Variants in PDSS2 observed in about 807,000 individuals in gnomAD.
The protein encoded by PDSS2 is all trans-polyprenyl-diphosphate synthase PDSS2.
PDSS2 carries 31 observed loss-of-function variants against 44.5 expected under a neutral mutation model. That is an observed-to-expected ratio of 0.70 (90% CI 0.52 to 0.94). The LOEUF (loss-of-function observed/expected upper bound fraction) is 0.94, where lower values mean the gene tolerates loss of function less well. Ranked by LOEUF, PDSS2 falls within the 40% of genes least tolerant of loss-of-function variation. The pLI, the probability that PDSS2 is intolerant of heterozygous loss-of-function variation, is 0.00. For missense variants in PDSS2, 452 were observed against 482.2 expected, an observed-to-expected ratio of 0.94 and a Z score of 0.59; for synonymous variants, 157 against 180.3, an observed-to-expected ratio of 0.87 and a Z score of 1.03.
Position 107,459,496 on chromosome 6 carries a change from A to C in PDSS2, c.-211T>G. 1 of 589,606 alleles carries C rather than the reference A, an allele frequency of 1.7e-6. No individual in the cohort carries two copies. The highest frequency in any genetic ancestry group is 3.0e-6 in the Non-Finnish European group (1 of 331,802). 36.5% of individuals were successfully genotyped at this position (589,606 alleles called of 1,614,324 possible). A position where few individuals can be genotyped will look rare whatever the true frequency, so the allele number is the denominator to read the frequency against. ...GGGCAAACAACAGTCCCAGCTCAGC[A>C]CTGCCCCCGGCCACCCGGGGTAGAA... On this transcript the variant is annotated 5_prime_UTR_variant, in exon 1 of 8. Coordinates refer to ENST00000369037, the MANE Select transcript of PDSS2 (RefSeq NM_020381.4). This position sits in a 1 kb window ranked among gnomAD's most constrained non-coding sequence, Gnocchi z 4.3.
chr6:107,160,485 C>G (rs901417818), intron 7 of PDSS2, among the ~76,000 whole-genome samples: 3 of 151,748 alleles, frequency 2.0e-5, no homozygotes, highest in Non-Finnish European at 2.9e-5. Flanking sequence ...GTACCTGGGA[C>G]TACAGGGACC....
rs561773016 is a variant in PDSS2 at position 107,331,834 on chromosome 6, G to A, written c.431+2364C>T. ...TTGCAAGGATTATTTTAGGATTAGA[G>A]ATAAAAAAAATAGTAGGTGCTCATT... On this transcript the variant is annotated intron_variant, in intron 2 of 7. Transcript: ENST00000369037. 3.9e-5 allele frequency among the ~76,000 whole-genome samples: 6 copies of A among 152,080 alleles called. No individual in the cohort carries two copies. In the South Asian group the frequency reaches 1.0e-3, roughly 26 times the overall value.
intron 4 of PDSS2, among the ~76,000 whole-genome samples, chr6:107,241,537 A>G (rs939556025): frequency 8.6e-5 from 13 of 151,754 alleles, no homozygotes; most frequent in Admixed American, 5.2e-4. Flanking sequence ...TAGTAGAGAC[A>G]GGGTTTCACC....
intron 1 of PDSS2, among the ~76,000 whole-genome samples, chr6:107,427,136 A>G (rs1781031050): frequency 6.6e-6 from 1 of 152,124 alleles, no homozygotes; most frequent in East Asian, 1.9e-4. Flanking sequence ...GAACCCAATG[A>G]GAGGTGATTG....
rs1554279679 is a variant in PDSS2, at chr6:107,424,036, C to CATTTTTTTTTTTTT, written c.296+34953_296+34954insAAAAAAAAAAAAAT. 5.5e-5 allele frequency among the ~76,000 whole-genome samples: 5 copies of CATTTTTTTTTTTTT among 90,586 alleles called. 2 individuals carry two copies. Among genetic ancestry groups the CATTTTTTTTTTTTT allele is most frequent in the South Asian group, 3.2e-4 (1 of 3,108 alleles). The allele number at this position is 90,586 out of a possible 152,430, so 59.4% of individuals were successfully genotyped here. A position where few individuals can be genotyped will look rare whatever the true frequency, so the allele number is the denominator to read the frequency against. ...AATTATGATTATTTTTATCTTGCAT[C>CATTTTTTTTTTTTT]TTTTTTTTTTTTTTTTTTTTTTTGG... On this transcript the variant is annotated intron_variant, in intron 1 of 7. Coordinates refer to ENST00000369037, the MANE Select transcript of PDSS2 (RefSeq NM_020381.4).
intron 2 of PDSS2, among the ~76,000 whole-genome samples, chr6:107,287,434 T>A (rs1225557587): frequency 6.6e-6 from 1 of 152,060 alleles, no homozygotes; most frequent in Non-Finnish European, 1.5e-5. Flanking sequence ...CTAAAAAAAT[T>A]AAAAATATGC....
intron 1 of PDSS2, among the ~76,000 whole-genome samples, chr6:107,347,146 A>G (rs1562478306): frequency 6.6e-6 from 1 of 151,998 alleles, no homozygotes; most frequent in Non-Finnish European, 1.5e-5. Context: ...GGAAATGAGG[A>G]CCTGCATGGG....
intron 7 of PDSS2, among the ~76,000 whole-genome samples, chr6:107,165,824 G>A (rs1461953667): frequency 1.3e-4 from 20 of 152,142 alleles, no homozygotes; most frequent in Non-Finnish European, 1.9e-4. Context: ...ATTTGTTTGT[G>A]TCTTCTTTTA....
At chr6:107,313,289 A>G (rs983532551) in intron 2 of PDSS2, among the ~76,000 whole-genome samples, 6 of 152,240 alleles carry the variant, frequency 3.9e-5, no homozygotes, top group Non-Finnish European at 5.9e-5. Context: ...AATATTTTTT[A>G]GAACTCCAAT....
rs1347570470 is a variant in PDSS2, at chr6:107,182,973, G to A, written c.1041+10849C>T. Reference sequence around the variant, plus strand: ...CACCTGTAATCCCAGCACCTTGGGAGGCCAAGGTAGGAGGATCACTTGACC... The same window carrying A: ...CACCTGTAATCCCAGCACCTTGGGAAGCCAAGGTAGGAGGATCACTTGACC... On this transcript the variant is annotated intron_variant, in intron 7 of 7. Transcript: ENST00000369037. Among the ~76,000 whole-genome samples the A allele has an allele frequency of 3.3e-5, 5 of 152,132 alleles. No homozygotes were observed. In the East Asian group the frequency reaches 7.7e-4, roughly 23 times the overall value.
intron 2 of PDSS2, among the ~76,000 whole-genome samples, chr6:107,328,737 C>CA (rs1395454943): frequency 1.3e-5 from 2 of 152,226 alleles, no homozygotes; most frequent in Non-Finnish European, 2.9e-5. Context: ...AACAATATCT[C>CA]AGAGTCATGA....
chr6:107,232,449 T>C (rs541001839), intron 4 of PDSS2, among the ~76,000 whole-genome samples: 3 of 152,216 alleles, frequency 2.0e-5, no homozygotes, highest in Non-Finnish European at 4.4e-5. Flanking sequence ...TGGAATGTTT[T>C]TTCCCCCCAA....
At chr6:107,369,963 C>G (rs1401392174) in intron 1 of PDSS2, among the ~76,000 whole-genome samples, 2 of 151,890 alleles carry the variant, frequency 1.3e-5, no homozygotes, top group Non-Finnish European at 2.9e-5. Flanking sequence ...TTGTATCTCA[C>G]TCCAGCTTGG....
intron 1 of PDSS2, among the ~76,000 whole-genome samples, chr6:107,422,117 C>T (rs1583064233): frequency 7.1e-6 from 1 of 140,446 alleles, no homozygotes; most frequent in South Asian, 2.3e-4. Flanking sequence ...AAACATTTGA[C>T]AAAAAGACCC....
chr6:107,339,836 C>T (rs1342950059), intron 1 of PDSS2, among the ~76,000 whole-genome samples: 1 of 152,066 alleles, frequency 6.6e-6, no homozygotes, highest in Non-Finnish European at 1.5e-5. Flanking sequence ...GATGAACAGA[C>T]CATAAGAGGT....
At chr6:107,256,673 C>T (rs947032799) in intron 3 of PDSS2, among the ~76,000 whole-genome samples, 5 of 152,140 alleles carry the variant, frequency 3.3e-5, no homozygotes, top group Admixed American at 6.5e-5. Flanking sequence ...ATAACTGATG[C>T]TACTAGTACT....
rs1319626221 is a variant in PDSS2 at position 107,157,678 on chromosome 6, GT to G, written c.1042-2902del. On this transcript the variant is annotated intron_variant, in intron 7 of 7. Coordinates refer to ENST00000369037, the MANE Select transcript of PDSS2 (RefSeq NM_020381.4). Reference sequence around the variant, plus strand: ...AGTAGTGTATTGTTTTAGCGTTTTTGTTTTTTTTTTTAGACAGAGTCTCCCT... The same window carrying G: ...AGTAGTGTATTGTTTTAGCGTTTTTGTTTTTTTTTTAGACAGAGTCTCCCT... Among the ~76,000 whole-genome samples the G allele has an allele frequency of 1.5e-4, 22 of 142,442 alleles. 1 individual carries two copies. Among genetic ancestry groups the G allele is most frequent in the South Asian group, 6.8e-4 (3 of 4,412 alleles). The allele number at this position is 142,442 out of a possible 152,430, so 93.4% of individuals were successfully genotyped here. A position where few individuals can be genotyped will look rare whatever the true frequency, so the allele number is the denominator to read the frequency against.
intron 1 of PDSS2, among the ~76,000 whole-genome samples, chr6:107,381,968 AATTTCAAATATAACT>A (rs1401273688): frequency 2.0e-5 from 3 of 152,222 alleles, no homozygotes; most frequent in African/African-American, 7.2e-5. Context: ...ATGTGGAAAA[AATTTCAAATATAACT>A]AGTTGAGAAA....
At chr6:107,218,635 G>T (rs1161578720) in intron 4 of PDSS2, among the ~76,000 whole-genome samples, 1 of 152,132 alleles carries the variant, frequency 6.6e-6, no homozygotes, top group Non-Finnish European at 1.5e-5. Flanking sequence ...TGCACAATCA[G>T]CATCTAATAT....
Sources: gnomAD v4.1 joint callset for allele counts (sites outside exome capture counted in the v4.1 genomes callset) on GRCh38, gnomAD v4.1.1 for gene constraint, Gnocchi (gnomAD v3.1) non-coding constraint, MANE v1.5 for transcripts, NCBI Gene and HGNC (gene_info 2026-07-23, HGNC 2026-07-21) for gene names.